Variants in DNAH5 observed in about 807,000 individuals in gnomAD.
DNAH5 encodes axonemal beta dynein heavy chain 5.
In DNAH5, 372 loss-of-function variants were observed where a neutral mutation model predicts 518.2. The observed-to-expected ratio is 0.72, with a 90% CI of 0.66 to 0.78. The LOEUF is 0.78. Among genes scored for constraint, DNAH5 ranks in the 30% least tolerant of loss-of-function variants. The probability of loss-of-function intolerance (pLI) is 0.00; values close to 1 mark genes in which losing one functional copy is unlikely to be tolerated. For missense variants in DNAH5, 5,523 were observed against 5,687.0 expected, an observed-to-expected ratio of 0.97 and a Z score of 0.93; for synonymous variants, 2,039 against 2,025.9, an observed-to-expected ratio of 1.01 and a Z score of -0.17.
chr5:13,797,277 G>A (rs1287101303), intron 47 of DNAH5, among the ~76,000 whole-genome samples: 3 of 152,042 alleles, frequency 2.0e-5, no homozygotes, highest in Non-Finnish European at 4.4e-5. Flanking sequence ...CTACAGAATG[G>A]GAGAAAATTT....
At chr5:14,003,450 C>T (rs1386090215) in intron 1 of DNAH5, among the ~76,000 whole-genome samples, 1 of 152,124 alleles carries the variant, frequency 6.6e-6, no homozygotes, top group Non-Finnish European at 1.5e-5. Context: ...AATTAAAAGC[C>T]ACTTAAGAGA....
At chr5:13,758,149 G>C (rs1338900011) in intron 61 of DNAH5, among the ~76,000 whole-genome samples, 3 of 151,918 alleles carry the variant, frequency 2.0e-5, no homozygotes, top group Non-Finnish European at 4.4e-5. Flanking sequence ...TAGAAACTCA[G>C]GTACTTTTCC....
chr5:13,732,819 A>T (rs904571738), intron 68 of DNAH5, among the ~76,000 whole-genome samples: 1 of 152,194 alleles, frequency 6.6e-6, no homozygotes, highest in Admixed American at 6.5e-5. Flanking sequence ...TTGCACCATA[A>T]CACTATCTAA....
At position 13,795,944 on chromosome 5, in the gene DNAH5, A is replaced by G. The variant is rs181882741; in HGVS notation, c.7888-1886T>C. The stretch of plus-strand genomic sequence containing the variant: ...CAGCATATAAACAGAACCAACAACA[A>G]AAACCACATGATTATCTCAATAGAT... On this transcript the variant is annotated intron_variant, in intron 47 of 78. Coordinates refer to ENST00000265104, the MANE Select transcript of DNAH5 (RefSeq NM_001369.3). Among the ~76,000 whole-genome samples the G allele has an allele frequency of 1.4e-4, 21 of 152,354 alleles. No homozygotes were observed. In the East Asian group the frequency reaches 4.0e-3, roughly 29 times the overall value.
chr5:13,912,582 T>TATATATACACATATATACATACAC (rs1417273778), intron 11 of DNAH5, among the ~76,000 whole-genome samples: 5 of 151,832 alleles, frequency 3.3e-5, no homozygotes, highest in African/African-American at 9.6e-5. Flanking sequence ...TGTGTGTATG[T>TATATATACACATATATACATACAC]ATATATACAC....
At chr5:13,887,634 A>G (rs938281318) in intron 17 of DNAH5, among the ~76,000 whole-genome samples, 1 of 152,108 alleles carries the variant, frequency 6.6e-6, no homozygotes, top group African/African-American at 2.4e-5. Context: ...GCTTTGGCAA[A>G]CCAGGAACCT....
At chr5:13,885,873 G>C in intron 18 of DNAH5, 91 bp downstream of exon 18, 1 of 1,171,070 alleles carries the variant, frequency 8.5e-7, no homozygotes, top group Non-Finnish European at 1.2e-6. Context: ...GTTTATAGAA[G>C]TATGAAATTA....
At chr5:13,862,318 GA>G (rs778476470) in intron 29 of DNAH5, among the ~76,000 whole-genome samples, 1 of 152,146 alleles carries the variant, frequency 6.6e-6, no homozygotes, top group Non-Finnish European at 1.5e-5. Context: ...AGGCCAAAAT[GA>G]AAACAAGAAT....
At chr5:13,880,970 T>A (rs1386974138) in intron 21 of DNAH5, among the ~76,000 whole-genome samples, 1 of 151,742 alleles carries the variant, frequency 6.6e-6, no homozygotes, top group African/African-American at 2.4e-5. Context: ...CACTCACAGA[T>A]TGAAAGTGAA....
At position 13,761,126 on chromosome 5, in the gene DNAH5, G is replaced by T. The variant is rs556810044; in HGVS notation, c.10281+1596C>A. On this transcript the variant is annotated intron_variant, in intron 60 of 78. Coordinates refer to ENST00000265104, the MANE Select transcript of DNAH5 (RefSeq NM_001369.3). ...CCTACTGCAGGACCCAGATTGTCTT[G>T]AGACAAGCTGAAAGCTGAAATGTGG... Among the ~76,000 whole-genome samples the T allele has an allele frequency of 1.2e-3, 176 of 152,352 alleles. 1 individual carries two copies. Among genetic ancestry groups the T allele is most frequent in the Non-Finnish European group, 1.9e-3 (130 of 68,032 alleles).
rs922749259 is a variant in DNAH5 at position 13,700,099 on chromosome 5, A to G, written c.13723+541T>C. ...AGAACCCAGTATTTTACCATTAGCTACAGGATTAAACCAAATGCCTCTGAA... is the reference window on the plus strand; with the variant it reads ...AGAACCCAGTATTTTACCATTAGCTGCAGGATTAAACCAAATGCCTCTGAA... On this transcript the variant is annotated intron_variant, in intron 78 of 78. Transcript: ENST00000265104. Among the ~76,000 whole-genome samples, 33 of 152,360 alleles carry G rather than the reference A, an allele frequency of 2.2e-4. 1 individual carries two copies. Among genetic ancestry groups the G allele is most frequent in the Admixed American group, 2.0e-3 (30 of 15,306 alleles).
chr5:13,713,494 A>G (rs1195039062), intron 75 of DNAH5, among the ~76,000 whole-genome samples: 1 of 130,574 alleles, frequency 7.7e-6, no homozygotes, highest in Non-Finnish European at 1.6e-5. Flanking sequence ...TATATATATG[A>G]TGGAATACTA....
chr5:13,741,381 T>C (rs1310125543), intron 65 of DNAH5, among the ~76,000 whole-genome samples: 1 of 152,194 alleles, frequency 6.6e-6, no homozygotes, highest in African/African-American at 2.4e-5. Context: ...TTGTGTCAAT[T>C]CTTAATTCTT....
chr5:13,882,630 A>G lies in DNAH5; in HGVS notation c.3262+98T>C, dbSNP rs1771827040. 6 of 957,878 alleles carry G rather than the reference A, an allele frequency of 6.3e-6. No individual in the cohort carries two copies. The South Asian group carries it at 8.4e-5, about 13-fold the overall frequency. The allele number at this position is 957,878 out of a possible 1,614,324, so 59.3% of individuals were successfully genotyped here. On this transcript the variant is annotated intron_variant, in intron 21 of 78. Coordinates refer to ENST00000265104, the MANE Select transcript of DNAH5 (RefSeq NM_001369.3). ...GGCTCATAGATTAATATTCTGATGT[A>G]AAATAAATTGAGAATTACATGGAGG...
Position 13,727,566 on chromosome 5 carries a change from C to G in DNAH5, c.11974G>C (p.Asp3992His), listed in dbSNP as rs143251480. ...PLPNAYDKSL[D>H]CFRRLLLIRS... ...ATAAGGAGAAGACGTCTGAAGCAGT[C>G]AAGAGATTTATCATAGGCATTTGGA... The change falls in exon 70 of 79, where the codon GAC (aspartate) becomes CAC (histidine). Residue 3992 changes from aspartate (D) to histidine (H), a missense_variant. Physicochemically the swap from Asp to His is moderately conservative, Grantham distance 81 (BLOSUM62 -1). Coordinates refer to ENST00000265104, the MANE Select transcript of DNAH5 (RefSeq NM_001369.3). 1.6e-4 allele frequency: 258 copies of G among 1,613,898 alleles called. No homozygotes were observed. Among genetic ancestry groups the G allele is most frequent in the Middle Eastern group, 6.6e-4 (4 of 6,056 alleles).
At position 13,911,435 on chromosome 5, in the gene DNAH5, T is replaced by C; in HGVS notation, c.1595A>G (p.Asp532Gly). ...AAACTCTTCGTAATCTTGGTCAAAATCCATTTTCCGCTGGTCTAGGAAATT... is the reference window on the plus strand; with the variant it reads ...AAACTCTTCGTAATCTTGGTCAAAACCCATTTTCCGCTGGTCTAGGAAATT... ...EYNFLDQRKM[D>G]FDQDYEEFCK... The change falls in exon 12 of 79, where the codon GAT (aspartate) becomes GGT (glycine). Residue 532 changes from aspartate to glycine, a missense_variant. Physicochemically the swap from Asp to Gly is moderately conservative, Grantham distance 94 (BLOSUM62 -1). Transcript: ENST00000265104. The C allele has an allele frequency of 6.2e-7, 1 of 1,614,070 alleles. No homozygotes were observed. Among genetic ancestry groups the C allele is most frequent in the East Asian group, 2.2e-5 (1 of 44,870 alleles).
intron 53 of DNAH5, among the ~76,000 whole-genome samples, chr5:13,778,504 G>GAGGA (rs1754460441): frequency 8.1e-6 from 1 of 123,666 alleles, no homozygotes; most frequent in African/African-American, 3.0e-5. Context: ...GGAAGGGAGG[G>GAGGA]AGGGAGGGAG....
Position 13,721,188 on chromosome 5 carries a change from C to A in DNAH5, c.12091G>T (p.Asp4031Tyr), listed in dbSNP as rs1282839471. ...GEKYAEGVIL[D>Y]LEKTWEESDP... is the part of the protein sequence containing the mutation. ...GATTCCTCCCACGTCTTCTCCAAGT[C>A]TAAAATAACACCTTCGGCATATTTT... Residue 4031 changes from aspartate (D) to tyrosine (Y), a missense_variant, in exon 71 of 79, where the codon GAC (aspartate) becomes TAC (tyrosine). Coordinates refer to ENST00000265104, the MANE Select transcript of DNAH5 (RefSeq NM_001369.3). 1 of 1,614,036 alleles carries A rather than the reference C, an allele frequency of 6.2e-7. No homozygotes were observed. The highest frequency in any genetic ancestry group is 2.2e-5 in the East Asian group (1 of 44,888).
intron 1 of DNAH5, among the ~76,000 whole-genome samples, chr5:13,939,603 G>A (rs773183890): frequency 4.0e-5 from 6 of 151,714 alleles, no homozygotes; most frequent in East Asian, 3.9e-4. Context: ...CTCCTTTCCC[G>A]GCCTCTCTCA....
Sources: allele counts gnomAD v4.1 joint callset (sites outside exome capture counted in the v4.1 genomes callset), GRCh38; gene constraint gnomAD v4.1.1; transcripts MANE v1.5; gene names NCBI Gene and HGNC (gene_info 2026-07-23, HGNC 2026-07-21).